Variants in FRMD4B observed in about 807,000 individuals in gnomAD.
FRMD4B encodes FERM domain containing 4B.
In FRMD4B, 74 loss-of-function variants were observed where a neutral mutation model predicts 141.5. That is an observed-to-expected ratio of 0.52 (90% CI 0.43 to 0.63). The LOEUF (loss-of-function observed/expected upper bound fraction) is 0.63, where lower values mean the gene tolerates loss of function less well. FRMD4B is among the 30% of genes least tolerant of loss of function. The pLI, the probability that FRMD4B is intolerant of heterozygous loss-of-function variation, is 0.00. For missense variants in FRMD4B, 1,366 were observed against 1,253.4 expected (o/e 1.09, Z -1.36); for synonymous variants, 506 against 467.9 (o/e 1.08, Z -1.05).
intron 1 of FRMD4B, chr3:69,336,685 C>T (rs66514154): frequency 0.27 from 40,643 of 152,386 alleles, 6,236 homozygotes; most frequent in Non-Finnish European, 0.34. Context: ...TGGTGGCTCA[C>T]GCCTGTAATC....
chr3:69,192,818 G>T (rs937582653), intron 17 of FRMD4B, among the ~76,000 whole-genome samples: 1 of 149,816 alleles, frequency 6.7e-6, no homozygotes, highest in African/African-American at 2.4e-5. Context: ...TTTTAATTTT[G>T]TTCACTTTTT....
At chr3:69,294,867 G>C (rs955379897) in intron 4 of FRMD4B, among the ~76,000 whole-genome samples, 1 of 152,150 alleles carries the variant, frequency 6.6e-6, no homozygotes, top group Non-Finnish European at 1.5e-5. Context: ...GCGGAGAAAA[G>C]TGGGGAAGTA....
chr3:69,454,555 C>CG (rs376335690), intron 1 of FRMD4B, among the ~76,000 whole-genome samples: 31 of 152,338 alleles, frequency 2.0e-4, no homozygotes, highest in African/African-American at 7.2e-4. Flanking sequence ...CCACCGGCCC[C>CG]GGGCAGTGAG....
rs73835834 is a variant in FRMD4B at position 69,421,223 on chromosome 3, T to C, written c.-1+11411A>G. On this transcript the variant is annotated intron_variant, in intron 2 of 5. Transcript: ENST00000459638. ...GTAGTCAGATCTCTGGGAGACAGTA[T>C]ACCAGCCAGGCCCTTGAATTCTGGT... is the stretch of plus-strand genomic sequence containing the variant. Among the ~76,000 whole-genome samples the C allele has an allele frequency of 8.3e-3, 1,268 of 152,356 alleles. 19 individuals are homozygous for C. The highest frequency in any genetic ancestry group is 0.029 in the African/African-American group (1,198 of 41,582).
chr3:69,459,567 G>C, intron 1 of FRMD4B, among the ~76,000 whole-genome samples: 1 of 152,292 alleles, frequency 6.6e-6, no homozygotes, highest in South Asian at 2.1e-4. Flanking sequence ...TCTATCGAGG[G>C]CATAAAACAC....
chr3:69,335,271 G>A (rs1477574980), intron 1 of FRMD4B, among the ~76,000 whole-genome samples: 2 of 152,054 alleles, frequency 1.3e-5, no homozygotes, highest in Non-Finnish European at 2.9e-5. Context: ...GCAGATCTGA[G>A]AAAAGCATAT....
intron 11 of FRMD4B, 119 bp from the exon 12 acceptor site, chr3:69,198,893 T>C (rs1487253873): frequency 9.4e-6 from 6 of 640,942 alleles, no homozygotes; most frequent in Admixed American, 8.3e-5. Flanking sequence ...CGATGAAACA[T>C]GAATATGTGA....
At chr3:69,408,003 TA>T (rs1490775825) in intron 2 of FRMD4B, among the ~76,000 whole-genome samples, 1 of 152,138 alleles carries the variant, frequency 6.6e-6, no homozygotes, top group Non-Finnish European at 1.5e-5. Context: ...GCACACTTTT[TA>T]AAAATACAGT....
chr3:69,200,820 T>G, intron 11 of FRMD4B: 3 of 510,050 alleles, frequency 5.9e-6, no homozygotes, highest in South Asian at 3.1e-5. Context: ...ACCCTGGACA[T>G]GAACAGGTTC....
At chr3:69,181,804 C>A (rs150833703) in intron 20 of FRMD4B, 94 bp from the exon 21 acceptor site, 5 of 719,166 alleles carry the variant, frequency 7.0e-6, no homozygotes, top group South Asian at 1.9e-5. Flanking sequence ...CTGAATAGCT[C>A]GTGAATTACA....
chr3:69,405,415 C>T (rs757292444), intron 2 of FRMD4B, among the ~76,000 whole-genome samples: 3 of 152,198 alleles, frequency 2.0e-5, no homozygotes, highest in Non-Finnish European at 2.9e-5. Context: ...GGGTGGAGGA[C>T]ATAGCGGTTT....
At chr3:69,185,853 C>T (rs769280198) in intron 19 of FRMD4B, among the ~76,000 whole-genome samples, 8 of 151,954 alleles carry the variant, frequency 5.3e-5, no homozygotes, top group Non-Finnish European at 7.4e-5. Flanking sequence ...ACCAGCCTGA[C>T]CAACATGGTG....
upstream of FRMD4B, among the ~76,000 whole-genome samples, chr3:69,389,329 C>A (rs983230590): frequency 3.9e-5 from 6 of 152,170 alleles, no homozygotes; most frequent in African/African-American, 1.4e-4. Flanking sequence ...CTGTGCCAAG[C>A]CTTCTTAGTC....
intron 7 of FRMD4B, among the ~76,000 whole-genome samples, chr3:69,240,823 G>T (rs1364872358): frequency 1.3e-5 from 2 of 152,186 alleles, no homozygotes; most frequent in Non-Finnish European, 2.9e-5. Flanking sequence ...CTTATCAGCG[G>T]GGGAATGTAG....
intron 1 of FRMD4B, among the ~76,000 whole-genome samples, chr3:69,433,768 A>G (rs904489156): frequency 5.3e-5 from 8 of 152,210 alleles, no homozygotes; most frequent in African/African-American, 1.7e-4. Flanking sequence ...CCCCTTTAGG[A>G]GGAAAACATG....
rs74860750 is a variant in FRMD4B at position 69,189,542 on chromosome 3, G to C, written c.1771+354C>G. Among the ~76,000 whole-genome samples, 258 of 152,204 alleles carry C rather than the reference G, an allele frequency of 1.7e-3. 2 individuals carry two copies. Among genetic ancestry groups the C allele is most frequent in the African/African-American group, 5.9e-3 (245 of 41,540 alleles). On this transcript the variant is annotated intron_variant, in intron 18 of 22. Coordinates refer to ENST00000398540, the MANE Select transcript of FRMD4B (RefSeq NM_015123.3). Reference sequence around the variant, plus strand: ...CACCATTGGGAAAAGCTGGGTGAAGGAATCTTTGTATTAATTATACAACTC... The same window carrying C: ...CACCATTGGGAAAAGCTGGGTGAAGCAATCTTTGTATTAATTATACAACTC...
At chr3:69,389,563 C>T (rs1704337617), upstream of FRMD4B, among the ~76,000 whole-genome samples, 1 of 152,188 alleles carries the variant, frequency 6.6e-6, no homozygotes, top group Non-Finnish European at 1.5e-5. Flanking sequence ...AAGCTGGGTG[C>T]AAGACAGAAG....
intron 1 of FRMD4B, among the ~76,000 whole-genome samples, chr3:69,492,514 T>C (rs968845916): frequency 2.6e-5 from 4 of 152,196 alleles, no homozygotes; most frequent in African/African-American, 9.7e-5. Context: ...TTGTAAATCC[T>C]TCTGGAAGAA....
chr3:69,443,175 G>A (rs941847107), intron 1 of FRMD4B, among the ~76,000 whole-genome samples: 1 of 152,270 alleles, frequency 6.6e-6, no homozygotes, highest in African/African-American at 2.4e-5. Flanking sequence ...GGGGAGAGGG[G>A]CTGGAGGTTG....
Sources: allele counts gnomAD v4.1 joint callset (sites outside exome capture counted in the v4.1 genomes callset), GRCh38; gene constraint gnomAD v4.1.1; transcripts MANE v1.5; gene names NCBI Gene and HGNC (gene_info 2026-07-23, HGNC 2026-07-21).